Variants in FAT4 observed in about 807,000 individuals in gnomAD.
FAT4 encodes the protein FAT atypical cadherin 4.
In FAT4, 84 loss-of-function variants were observed where a neutral mutation model predicts 303.9. That is an observed-to-expected ratio of 0.28 (90% CI 0.23 to 0.33). The LOEUF is 0.33. Among genes scored for constraint, FAT4 ranks in the 10% least tolerant of loss-of-function variants. FAT4 has a pLI of 1.00. For missense variants in FAT4, 6,005 were observed against 6,146.8 expected, an observed-to-expected ratio of 0.98 and a Z score of 0.77; for synonymous variants, 2,307 against 2,298.8, an observed-to-expected ratio of 1.00 and a Z score of -0.10.
At position 125,448,777 on chromosome 4, in the gene FAT4, C is replaced by G. The variant is rs765645976; in HGVS notation, c.7767C>G (p.Thr2589=). The change falls in exon 10 of 18, where the codon ACC becomes ACG. Residue 2589 remains threonine, a synonymous_variant. Coordinates refer to ENST00000394329, the MANE Select transcript of FAT4 (RefSeq NM_001291303.3). ...PENQPVSSLV[T]TITGSSLRGE... is the part of the protein sequence containing the mutation. ...ACCAACCAGTCAGCTCTCTTGTCAC[C>G]ACCATCACAGGATCCTCTTTAAGAG... is the stretch of plus-strand genomic sequence containing the variant. 2 of 1,611,728 alleles carry G rather than the reference C, an allele frequency of 1.2e-6. No individual in the cohort carries two copies. Among genetic ancestry groups the G allele is most frequent in the South Asian group, 2.2e-5 (2 of 91,066 alleles).
At position 125,450,294 on chromosome 4, in the gene FAT4, A is replaced by T; in HGVS notation, c.9284A>T (p.His3095Leu). 6.2e-7 allele frequency: 1 copy of T among 1,614,122 alleles called. No individual in the cohort carries two copies. The highest frequency in any genetic ancestry group is 8.5e-7 in the Non-Finnish European group (1 of 1,180,010). The part of the protein sequence containing the change: ...NYHTPEFSQS[H>L]MSATIPESHS... ...CATACACCTGAATTCTCTCAAAGCC[A>T]CATGAGTGCAACCATCCCTGAGAGC... is the stretch of plus-strand genomic sequence containing the variant. The change falls in exon 10 of 18, where the codon CAC becomes CTC. Residue 3095 changes from histidine to leucine, a missense_variant. Transcript: ENST00000394329.
chr4:125,439,952 T>C (rs1428628731), intron 8 of FAT4, among the ~76,000 whole-genome samples: 2 of 152,200 alleles, frequency 1.3e-5, no homozygotes, highest in East Asian at 3.9e-4. Context: ...GAGACAAACA[T>C]TTACTAACCA....
chr4:125,359,334 G>A (rs1732559058), intron 2 of FAT4, among the ~76,000 whole-genome samples: 1 of 152,072 alleles, frequency 6.6e-6, no homozygotes, highest in Admixed American at 6.6e-5. Context: ...GGATGTTGTT[G>A]TTTTCCTAAT....
At chr4:125,350,766 T>TACTC (rs910498820) in intron 2 of FAT4, among the ~76,000 whole-genome samples, 4 of 151,668 alleles carry the variant, frequency 2.6e-5, no homozygotes, top group Non-Finnish European at 4.4e-5. Context: ...TCCTTGAAAG[T>TACTC]ACTCCCTCCT....
Position 125,408,798 on chromosome 4 carries a change from T to C in FAT4, c.5920+4T>C, listed in dbSNP as rs1734730389. On this transcript the variant is annotated splice_donor_region_variant and intron_variant, in intron 5 of 17. Coordinates refer to ENST00000394329, the MANE Select transcript of FAT4 (RefSeq NM_001291303.3). ...AATGTTACTGATGCAGATGATGGTA[T>C]GTATTTTATTTAATATAATTTTTAA... 3.7e-6 allele frequency: 5 copies of C among 1,359,846 alleles called. No homozygotes were observed. Among genetic ancestry groups the C allele is most frequent in the Non-Finnish European group, 5.0e-6 (5 of 1,008,824 alleles). The allele number at this position is 1,359,846 out of a possible 1,614,324, so 84.2% of individuals were successfully genotyped here.
chr4:125,471,730 T>C (rs1726862477), intron 12 of FAT4, among the ~76,000 whole-genome samples: 1 of 151,728 alleles, frequency 6.6e-6, no homozygotes, highest in African/African-American at 2.4e-5. Context: ...AAAGTATTTT[T>C]GCACTTTAAC....
At chr4:125,395,307 T>C (rs1415545889) in intron 2 of FAT4, among the ~76,000 whole-genome samples, 2 of 152,124 alleles carry the variant, frequency 1.3e-5, no homozygotes, top group Non-Finnish European at 2.9e-5. Context: ...AGTTATTCAC[T>C]TTTCTTTTTT....
intron 2 of FAT4, among the ~76,000 whole-genome samples, chr4:125,344,993 G>C (rs1731941735): frequency 6.6e-6 from 1 of 152,072 alleles, no homozygotes. Flanking sequence ...TGGTACTGTA[G>C]TGATTGTTAT....
intron 7 of FAT4, among the ~76,000 whole-genome samples, chr4:125,424,734 TA>T (rs1725028843): frequency 6.6e-6 from 1 of 152,224 alleles, no homozygotes; most frequent in East Asian, 1.9e-4. Context: ...AAATAGACAG[TA>T]AAAAATAAAC....
At chr4:125,338,604 T>C (rs1731660568) in intron 2 of FAT4, among the ~76,000 whole-genome samples, 1 of 152,130 alleles carries the variant, frequency 6.6e-6, no homozygotes, top group South Asian at 2.1e-4. Context: ...AGCAATCTAA[T>C]AGGAAGACAA....
In FAT4 at chr4:125,317,165, A is replaced by G; in HGVS notation, c.754A>G (p.Ser252Gly). 1 of 1,605,688 alleles carries G rather than the reference A, an allele frequency of 6.2e-7. No homozygotes were observed. The highest frequency in any genetic ancestry group is 8.5e-7 in the Non-Finnish European group (1 of 1,174,158). ...TAATGACAACCCCCCGGTTTTTGGC[A>G]GTTCTCACTACCAGGCGGGGGTGCC... ...DINDNPPVFGSSHYQAGVPED... is the reference protein window; with the variant it reads ...DINDNPPVFGGSHYQAGVPED... Residue 252 changes from serine (S) to glycine (G), a missense_variant, in exon 2 of 18, where the codon AGT becomes GGT. Transcript: ENST00000394329. This position sits in a 1 kb window ranked among gnomAD's most constrained non-coding sequence, Gnocchi z 7.0.
rs750610263 is a variant in FAT4, at chr4:125,452,391, G to A, written c.11381G>A (p.Arg3794Gln). The A allele has an allele frequency of 8.1e-6, 13 of 1,614,024 alleles. No individual in the cohort carries two copies. Among genetic ancestry groups the A allele is most frequent in the East Asian group, 4.5e-5 (2 of 44,886 alleles). ...FFESIKEILL[R>Q]QSGVKVESVD... ...GAAAGCATCAAAGAGATCCTTCTCC[G>A]GCAGAGTGGAGTAAAGGTGGAATCT... The change falls in exon 10 of 18, where the codon CGG (arginine) becomes CAG (glutamine). Residue 3794 changes from arginine (R) to glutamine (Q), a missense_variant. Coordinates refer to ENST00000394329, the MANE Select transcript of FAT4 (RefSeq NM_001291303.3).
intron 8 of FAT4, among the ~76,000 whole-genome samples, chr4:125,437,423 G>A (rs963499089): frequency 6.6e-6 from 1 of 152,176 alleles, no homozygotes; most frequent in African/African-American, 2.4e-5. Flanking sequence ...CATTGCAAAA[G>A]GATGGAAAGC....
intron 2 of FAT4, among the ~76,000 whole-genome samples, chr4:125,333,659 A>G (rs1036155676): frequency 2.0e-5 from 3 of 152,124 alleles, no homozygotes; most frequent in Non-Finnish European, 4.4e-5. Flanking sequence ...CTTAATCCTT[A>G]AGGAGACTTT....
At chr4:125,352,886 A>G (rs937346067) in intron 2 of FAT4, among the ~76,000 whole-genome samples, 1 of 151,824 alleles carries the variant, frequency 6.6e-6, no homozygotes, top group Non-Finnish European at 1.5e-5. Flanking sequence ...TACTGGATGC[A>G]GTGATGTATT....
intron 2 of FAT4, among the ~76,000 whole-genome samples, chr4:125,391,839 C>A (rs746268499): frequency 1.3e-5 from 2 of 152,064 alleles, no homozygotes; most frequent in Admixed American, 1.3e-4. Context: ...ATTAATACAT[C>A]TTTATATGCC....
intron 11 of FAT4, among the ~76,000 whole-genome samples, chr4:125,464,301 A>G (rs1488749487): frequency 6.6e-6 from 1 of 152,132 alleles, no homozygotes; most frequent in African/African-American, 2.4e-5. Flanking sequence ...AGTGGAATGA[A>G]CTAAAAGATT....
At chr4:125,467,348 C>T (rs1488872208) in intron 11 of FAT4, among the ~76,000 whole-genome samples, 1 of 152,140 alleles carries the variant, frequency 6.6e-6, no homozygotes. Context: ...ACAATTCTCT[C>T]ACTCTAAATT....
intron 2 of FAT4, among the ~76,000 whole-genome samples, chr4:125,342,966 G>T (rs977694460): frequency 6.6e-6 from 1 of 151,932 alleles, no homozygotes; most frequent in Admixed American, 6.6e-5. Flanking sequence ...ATTATAAATT[G>T]GGTTATAATT....
Sources: gnomAD v4.1 joint callset for allele counts (sites outside exome capture counted in the v4.1 genomes callset) on GRCh38, gnomAD v4.1.1 for gene constraint, Gnocchi (gnomAD v3.1) non-coding constraint, MANE v1.5 for transcripts, NCBI Gene and HGNC (gene_info 2026-07-23, HGNC 2026-07-21) for gene names.